The following STAG3 variants were observed in gnomAD, a reference collection of about 807,000 sequenced individuals.
STAG3 encodes cohesin subunit SA-3.
STAG3 carries 101 observed loss-of-function variants against 160.7 expected under a neutral mutation model. The ratio of observed to expected loss-of-function variants is 0.63; its 90% CI spans 0.54 to 0.74. STAG3 has a LOEUF of 0.74. Among genes scored for constraint, STAG3 ranks in the 30% least tolerant of loss-of-function variants. The pLI, the probability that STAG3 is intolerant of heterozygous loss-of-function variation, is 0.00. For synonymous variants in STAG3, 519 were observed against 585.0 expected, an observed-to-expected ratio of 0.89 and a Z score of 1.63; for missense variants, 1,188 against 1,517.4, an observed-to-expected ratio of 0.78 and a Z score of 3.61.
chr7:100,206,117 C>T (rs1290312922), intron 29 of STAG3, among the ~76,000 whole-genome samples: 3 of 150,668 alleles, frequency 2.0e-5, no homozygotes, highest in Non-Finnish European at 3.0e-5. Flanking sequence ...CAGGTTCACG[C>T]CATTCTCCTG....
intron 29 of STAG3, among the ~76,000 whole-genome samples, chr7:100,209,151 G>A (rs536241888): frequency 6.6e-6 from 1 of 152,304 alleles, no homozygotes; most frequent in East Asian, 1.9e-4. Flanking sequence ...AGGTTAGTCG[G>A]TAGTTTCTGA....
At position 100,186,324 on chromosome 7, in the gene STAG3, T is replaced by C. The variant is rs1800000748; in HGVS notation, c.433+28T>C. 1.9e-6 allele frequency: 3 copies of C among 1,569,538 alleles called. No individual in the cohort carries two copies. The East Asian group carries it at 6.7e-5, about 35-fold the overall frequency. On this transcript the variant is annotated intron_variant, in intron 5 of 33. Coordinates refer to ENST00000615138, the MANE Select transcript of STAG3 (RefSeq NM_001282717.2). ...GAGGAAACTGCTCCCCCTTTCTAAT[T>C]CCCAGCCTTTTGTTCCTATGTTATG...
Position 100,200,557 on chromosome 7 carries a change from T to C in STAG3, c.1860+15T>C. 1 of 1,613,130 alleles carries C rather than the reference T, an allele frequency of 6.2e-7. No homozygotes were observed. Among genetic ancestry groups the C allele is most frequent in the Non-Finnish European group, 8.5e-7 (1 of 1,179,678 alleles). On this transcript the variant is annotated intron_variant, in intron 18 of 33. Coordinates refer to ENST00000615138, the MANE Select transcript of STAG3 (RefSeq NM_001282717.2). ...GCTTGGAGAAGGTAGGGAGATAGAT[T>C]TCCTATACCTTGCTGCTTGCCTGCC... is the stretch of plus-strand genomic sequence containing the variant.
chr7:100,205,387 A>G lies in STAG3; in HGVS notation c.3238+3A>G. 1 of 1,611,322 alleles carries G rather than the reference A, an allele frequency of 6.2e-7. No individual in the cohort carries two copies. Among genetic ancestry groups the G allele is most frequent in the Non-Finnish European group, 8.5e-7 (1 of 1,178,720 alleles). On this transcript the variant is annotated splice_donor_region_variant and intron_variant, in intron 29 of 33. Coordinates refer to ENST00000615138, the MANE Select transcript of STAG3 (RefSeq NM_001282717.2). ...CTCCAAGAGGAGGCGCGTTGAAGGTAGGGTGCTGTGTGTGGGTATGGGGGT... is the reference window on the plus strand; with the variant it reads ...CTCCAAGAGGAGGCGCGTTGAAGGTGGGGTGCTGTGTGTGGGTATGGGGGT...
At chr7:100,204,830 G>C (rs1216516072) in intron 27 of STAG3, 55 bp downstream of exon 27, 1 of 1,608,058 alleles carries the variant, frequency 6.2e-7, no homozygotes, top group East Asian at 2.2e-5. Context: ...CGAGGTCTTG[G>C]AGGGAGGTCT....
intron 21 of STAG3, 111 bp downstream of exon 21, chr7:100,201,462 C>T (rs1016574999): frequency 8.6e-6 from 8 of 929,266 alleles, no homozygotes; most frequent in Non-Finnish European, 1.4e-5. Context: ...GTGGACAAAG[C>T]GAGGAAGATC....
rs759636396 is a variant in STAG3, at chr7:100,198,833, A to T, written c.1353-10A>T. The T allele has an allele frequency of 6.2e-7, 1 of 1,610,380 alleles. No individual in the cohort carries two copies. Among genetic ancestry groups the T allele is most frequent in the Non-Finnish European group, 8.5e-7 (1 of 1,178,602 alleles). On this transcript the variant is annotated splice_polypyrimidine_tract_variant and intron_variant, in intron 13 of 33. Coordinates refer to ENST00000615138, the MANE Select transcript of STAG3 (RefSeq NM_001282717.2). The stretch of plus-strand genomic sequence containing the variant: ...TGTGCTGAGCCCTTTCCTCGTGTCC[A>T]TTCCACCAGACTCTTCTACCCTGAG...
intron 27 of STAG3, 49 bp downstream of exon 27, chr7:100,204,824 G>A: frequency 6.2e-7 from 1 of 1,609,174 alleles, no homozygotes; most frequent in Non-Finnish European, 8.5e-7. Context: ...TGGGAACGAG[G>A]TCTTGGAGGG....
intron 26 of STAG3, 137 bp from the exon 27 acceptor site, chr7:100,204,490 A>G: frequency 8.4e-6 from 9 of 1,076,442 alleles, no homozygotes; most frequent in Non-Finnish European, 1.2e-5. Flanking sequence ...GGAGTTCCCT[A>G]GAAGGAAGGA....
Position 100,197,138 on chromosome 7 carries a change from T to G in STAG3, c.942-18T>G, listed in dbSNP as rs1800740475. ...AGAGAGGGTGGCTCTAAGAGTCAAC[T>G]TATCTGTCTGTGTCTAGGGATGTCC... On this transcript the variant is annotated intron_variant, in intron 9 of 33. Coordinates refer to ENST00000615138, the MANE Select transcript of STAG3 (RefSeq NM_001282717.2). The G allele has an allele frequency of 6.3e-7, 1 of 1,597,384 alleles. No individual in the cohort carries two copies. The highest frequency in any genetic ancestry group is 1.3e-5 in the African/African-American group (1 of 74,466).
downstream of STAG3, among the ~76,000 whole-genome samples, chr7:100,217,412 A>G (rs1453565253): frequency 2.0e-5 from 3 of 152,242 alleles, 1 homozygote; most frequent in African/African-American, 7.2e-5. Flanking sequence ...CCAGCCTGGT[A>G]AGTGATGCAG....
rs546855675 is a variant in STAG3 at position 100,204,783 on chromosome 7, G to C, written c.2951+8G>C. On this transcript the variant is annotated splice_region_variant and intron_variant, in intron 27 of 33. Transcript: ENST00000615138. ...CGTGGTCATGCTACACAAGTAGGAA[G>C]TATTGGTTGCAGGTTGTGTCCAGGG... 6.2e-7 allele frequency: 1 copy of C among 1,613,234 alleles called. No homozygotes were observed. Among genetic ancestry groups the C allele is most frequent in the African/African-American group, 1.3e-5 (1 of 74,892 alleles).
rs1392788660 is a variant in STAG3, at chr7:100,180,816, C to T, written c.116+144C>T. The T allele has an allele frequency of 8.3e-6, 5 of 602,994 alleles. No individual in the cohort carries two copies. The African/African-American group carries it at 9.3e-5, about 11-fold the overall frequency. 37.4% of individuals were successfully genotyped at this position (602,994 alleles called of 1,614,324 possible). Reference sequence around the variant, plus strand: ...CGTTCAGCACAGTGACACCCTCCCTCCAGCTCCAGGTGTTTTTTTTGGCGG... The same window carrying T: ...CGTTCAGCACAGTGACACCCTCCCTTCAGCTCCAGGTGTTTTTTTTGGCGG... On this transcript the variant is annotated intron_variant, in intron 2 of 33. Coordinates refer to ENST00000615138, the MANE Select transcript of STAG3 (RefSeq NM_001282717.2).
chr7:100,204,708 C>T lies in STAG3; in HGVS notation c.2884C>T (p.Arg962Trp), dbSNP rs149048452. 9.2e-4 allele frequency: 1,489 copies of T among 1,614,084 alleles called. 1 individual carries two copies. Among genetic ancestry groups the T allele is most frequent in the Non-Finnish European group, 1.0e-3 (1,224 of 1,180,016 alleles). Residue 962 changes from arginine to tryptophan, a missense_variant, in exon 27 of 34, where the codon CGG (arginine) becomes TGG (tryptophan). By Grantham distance (101) the Arg-to-Trp change is moderately radical. Coordinates refer to ENST00000615138, the MANE Select transcript of STAG3 (RefSeq NM_001282717.2). ...PAFIEMRDLA[R>W]RFALSFGPQQ... The stretch of plus-strand genomic sequence containing the variant: ...CTTCATCGAGATGAGGGACCTGGCC[C>T]GGAGGTTTGCCTTGAGTTTTGGACC...
chr7:100,181,100 T>G (rs1328678396), intron 2 of STAG3, among the ~76,000 whole-genome samples: 1 of 151,754 alleles, frequency 6.6e-6, no homozygotes, highest in African/African-American at 2.4e-5. Flanking sequence ...GAGTAAAGAG[T>G]TCTTTATTTG....
At position 100,182,144 on chromosome 7, in the gene STAG3, T is replaced by C. The variant is rs1156947376; in HGVS notation, c.171T>C (p.Asn57=). ...DEDTDFEDSL[N]RNVKKRAAKR... ...ACACTGACTTTGAAGACAGCTTGAA[T>C]CGCAATGTGAAGAAGAGAGCAGCAA... is the stretch of plus-strand genomic sequence containing the variant. Residue 57 remains asparagine, a synonymous_variant, in exon 3 of 34, where the codon AAT becomes AAC. Transcript: ENST00000615138. The C allele has an allele frequency of 6.2e-7, 1 of 1,613,302 alleles. No individual in the cohort carries two copies. Among genetic ancestry groups the C allele is most frequent in the Non-Finnish European group, 8.5e-7 (1 of 1,179,856 alleles).
At position 100,200,297 on chromosome 7, in the gene STAG3, T is replaced by C; in HGVS notation, c.1739T>C (p.Leu580Pro). ...ADDRVKLTEH[L>P]IPLLPQLLAK... ...GACAGGGTGAAGTTGACTGAGCACC[T>C]CATCCCCCTGCTGCCCCAGCTCCTG... The change falls in exon 17 of 34, where the codon CTC (leucine) becomes CCC (proline). Residue 580 changes from leucine (L) to proline (P), a missense_variant. Physicochemically the swap from Leu to Pro is moderately conservative, Grantham distance 98. This residue lies in a region of STAG3 where 240 missense variants were observed against 358.1 expected (regional missense o/e 0.67). Coordinates refer to ENST00000615138, the MANE Select transcript of STAG3 (RefSeq NM_001282717.2). 1.2e-6 allele frequency: 2 copies of C among 1,613,654 alleles called. No individual in the cohort carries two copies. Among genetic ancestry groups the C allele is most frequent in the Non-Finnish European group, 1.7e-6 (2 of 1,179,890 alleles).
chr7:100,187,564 G>GA (rs1800099361), intron 5 of STAG3, among the ~76,000 whole-genome samples: 1 of 152,138 alleles, frequency 6.6e-6, no homozygotes, highest in Non-Finnish European at 1.5e-5. Context: ...GTGCAGCCTG[G>GA]CCCTTCATTT....
chr7:100,182,807 A>C lies in STAG3; in HGVS notation c.304A>C (p.Asn102His), dbSNP rs1799737424. ...AGAGCCACCAGCCAATGATCTTTTCAATGCTGTGAAAGCCGCCAAAAGTGA... is the reference window on the plus strand; with the variant it reads ...AGAGCCACCAGCCAATGATCTTTTCCATGCTGTGAAAGCCGCCAAAAGTGA... ...QSEPPANDLF[N>H]AVKAAKSDMQ... The change falls in exon 4 of 34, where the codon AAT (asparagine) becomes CAT (histidine). Residue 102 changes from asparagine (N) to histidine (H), a missense_variant. By Grantham distance (68) the Asn-to-His change is moderately conservative. Transcript: ENST00000615138. 2 of 1,613,870 alleles carry C rather than the reference A, an allele frequency of 1.2e-6. No homozygotes were observed. The highest frequency in any genetic ancestry group is 2.2e-5 in the South Asian group (2 of 91,076).
Sources: gnomAD v4.1 joint callset for allele counts (sites outside exome capture counted in the v4.1 genomes callset) on GRCh38, gnomAD v4.1.1 for gene constraint, gnomAD v4.1.1 regional missense constraint, MANE v1.5 for transcripts, NCBI Gene and HGNC (gene_info 2026-07-23, HGNC 2026-07-21) for gene names.